Variants in APTX observed in about 807,000 individuals in gnomAD.
The protein encoded by APTX is forkhead-associated domain histidine triad-like protein.
Under a neutral mutation model 42.3 loss-of-function variants are expected in APTX, and 33 were observed. The ratio of observed to expected loss-of-function variants is 0.78; its 90% CI spans 0.59 to 1.04. APTX has a LOEUF of 1.04. APTX is among the 50% of genes least tolerant of loss of function. The pLI is 0.00. For synonymous variants in APTX, 130 were observed against 146.7 expected (o/e 0.89, Z 0.82); for missense variants, 421 against 415.1 (o/e 1.01, Z -0.12).
chr9:32,990,929 C>A (rs1205497250), intron 1 of APTX, among the ~76,000 whole-genome samples: 1 of 147,172 alleles, frequency 6.8e-6, no homozygotes, highest in Non-Finnish European at 1.5e-5. Flanking sequence ...AATTTCTTTA[C>A]TTTTTTTTTT....
rs114658196 is a variant in APTX, at chr9:32,994,765, A to C, written c.-4-4870T>G. On this transcript the variant is annotated intron_variant, in intron 1 of 7. Coordinates refer to ENST00000379817, the MANE Select transcript of APTX (RefSeq NM_001195248.2). ...GAAGAAAATGCCATCTAGGACTTTC[A>C]CAGGTAGAGAGAAGTCAATGCCTGA... is the stretch of plus-strand genomic sequence containing the variant. Among the ~76,000 whole-genome samples the C allele has an allele frequency of 5.3e-3, 804 of 152,316 alleles. 8 individuals are homozygous for C. The highest frequency in any genetic ancestry group is 0.018 in the African/African-American group (757 of 41,558).
chr9:32,987,252 G>C (rs1051041786), intron 4 of APTX, among the ~76,000 whole-genome samples: 5 of 152,192 alleles, frequency 3.3e-5, no homozygotes, highest in South Asian at 4.1e-4. Flanking sequence ...TGAATTACAT[G>C]ATCTATGAAA....
chr9:33,001,916 T>A (rs1836641910), upstream of APTX, among the ~76,000 whole-genome samples: 1 of 152,216 alleles, frequency 6.6e-6, no homozygotes, highest in Admixed American at 6.5e-5. Context: ...TAGGTGGCTG[T>A]GCAGCTTCTC....
intron 1 of APTX, among the ~76,000 whole-genome samples, chr9:33,024,581 C>T (rs1838695845): frequency 6.6e-6 from 1 of 152,152 alleles, no homozygotes; most frequent in African/African-American, 2.4e-5. Context: ...CTCTGTACAT[C>T]AAAGACGGTC....
In APTX at chr9:32,973,578, G is replaced by A. The variant is rs1047315004; in HGVS notation, c.949C>T (p.Leu317Phe). 1.9e-6 allele frequency: 3 copies of A among 1,613,890 alleles called. No individual in the cohort carries two copies. In the Middle Eastern group the frequency reaches 4.9e-4, roughly 265 times the overall value. Residue 317 changes from leucine (L) to phenylalanine (F), a missense_variant, in exon 8 of 8, where the codon CTT becomes TTT. Coordinates refer to ENST00000379817, the MANE Select transcript of APTX (RefSeq NM_001195248.2). ...DGMPELLKLP[L>F]RCHECQQLLP... ...AGCTGCTGGCACTCATGACAACGAA[G>A]GGGCAGCTTCAAGAGCTCAGGCATC...
intron 1 of APTX, among the ~76,000 whole-genome samples, chr9:32,991,473 G>A (rs1451998665): frequency 2.0e-5 from 3 of 152,040 alleles, no homozygotes; most frequent in Non-Finnish European, 2.9e-5. Context: ...TGACATTTGG[G>A]GAATGACAAA....
intron 1 of APTX, among the ~76,000 whole-genome samples, chr9:33,008,337 A>G (rs938723313): frequency 2.0e-5 from 3 of 151,984 alleles, no homozygotes; most frequent in Admixed American, 6.6e-5. Flanking sequence ...GAAATTGAGC[A>G]TATTTCTGTA....
In APTX at chr9:32,987,798, G is replaced by C. The variant is rs749838395; in HGVS notation, c.229C>G (p.Gln77Glu). 6.2e-7 allele frequency: 1 copy of C among 1,613,948 alleles called. No homozygotes were observed. The highest frequency in any genetic ancestry group is 1.1e-5 in the South Asian group (1 of 91,080). The change falls in exon 4 of 8, where the codon CAA (glutamine) becomes GAA (glutamate). Residue 77 changes from glutamine to glutamate, a missense_variant. Gln to Glu is a conservative substitution (Grantham distance 29). Transcript: ENST00000379817. ...SIDSVVIGKDQEVKLQPGQVL... is the reference protein window; with the variant it reads ...SIDSVVIGKDEEVKLQPGQVL... ...TGGCCAGGCTGCAGCTTCACCTCTT[G>C]GTCCTTCCCAATTACGACTGAGTCA...
At chr9:32,978,287 T>C (rs940513063) in intron 6 of APTX, among the ~76,000 whole-genome samples, 3 of 152,182 alleles carry the variant, frequency 2.0e-5, no homozygotes, top group Non-Finnish European at 4.4e-5. Flanking sequence ...TCTTCCCAGG[T>C]ATGGGAATGG....
At chr9:32,981,134 AG>A in intron 6 of APTX, among the ~76,000 whole-genome samples, 1 of 152,334 alleles carries the variant, frequency 6.6e-6, no homozygotes, top group Admixed American at 6.5e-5. Flanking sequence ...AAAAACAAAA[AG>A]AACTATAGGC....
rs1364199424 is a variant in APTX at position 32,986,187 on chromosome 9, G to A, written c.484-157C>T. 3.8e-6 allele frequency: 3 copies of A among 794,398 alleles called. No individual in the cohort carries two copies. The South Asian group carries it at 4.1e-5, about 11-fold the overall frequency. 49.2% of individuals were successfully genotyped at this position (794,398 alleles called of 1,614,324 possible). On this transcript the variant is annotated intron_variant, in intron 4 of 7. Coordinates refer to ENST00000379817, the MANE Select transcript of APTX (RefSeq NM_001195248.2). ...TTTGAGAATTAAACAAGATTCACTT[G>A]ACTCTGCTTCACTCCATTGCCTTCC...
intron 2 of APTX, among the ~76,000 whole-genome samples, chr9:32,988,686 G>GGA (rs1563970063): frequency 1.4e-4 from 10 of 70,884 alleles, no homozygotes; most frequent in South Asian, 5.8e-4. Context: ...ATCTCAGGAG[G>GGA]AAAAAAAAAA....
chr9:33,019,835 C>CCCTGGA (rs1719143706), intron 1 of APTX: 1 of 645,270 alleles, frequency 1.5e-6, no homozygotes, highest in Admixed American at 2.6e-5. Context: ...GATCCTGCCG[C>CCCTGGA]TCACTGTGAG....
chr9:33,018,159 G>A (rs1002500074), intron 1 of APTX, among the ~76,000 whole-genome samples: 2 of 150,166 alleles, frequency 1.3e-5, no homozygotes, highest in African/African-American at 4.9e-5. Flanking sequence ...CACCCAGGCT[G>A]GAGCGCGGTG....
intron 1 of APTX, among the ~76,000 whole-genome samples, chr9:33,017,274 G>A (rs368994764): frequency 2.0e-4 from 30 of 152,322 alleles, no homozygotes; most frequent in African/African-American, 6.5e-4. Flanking sequence ...GCTATGAATC[G>A]GGGTGTCTTC....
At chr9:33,020,287 G>C (rs4300084) in intron 1 of APTX, 11,403 of 161,432 alleles carry the variant, frequency 0.071, 564 homozygotes, top group Non-Finnish European at 0.11. Context: ...CCAGGAAGGG[G>C]ATCTCCAACC....
chr9:33,024,909 C>G (rs1838746297), intron 1 of APTX: 1 of 145,082 alleles, frequency 6.9e-6, no homozygotes, highest in Admixed American at 7.2e-5. Context: ...CCCGTTCACA[C>G]ACAGCTCCCG....
chr9:32,976,377 TA>T (rs969084959), intron 6 of APTX, among the ~76,000 whole-genome samples: 62 of 151,292 alleles, frequency 4.1e-4, no homozygotes, highest in African/African-American at 1.5e-3. Flanking sequence ...TTGAGTATAA[TA>T]AAAAAAAATA....
intron 2 of APTX, 64 bp downstream of exon 2, chr9:32,989,695 T>G: frequency 6.2e-7 from 1 of 1,611,174 alleles, no homozygotes; most frequent in East Asian, 2.2e-5. Context: ...CCAGAAAATA[T>G]GCATCTTTGG....
Sources: gnomAD v4.1 joint callset for allele counts (sites outside exome capture counted in the v4.1 genomes callset) on GRCh38, gnomAD v4.1.1 for gene constraint, MANE v1.5 for transcripts, NCBI Gene and HGNC (gene_info 2026-07-23, HGNC 2026-07-21) for gene names.